Variants in SPAG16 observed in about 807,000 individuals in gnomAD.
SPAG16 encodes sperm-associated antigen 16 protein.
In SPAG16, 86 loss-of-function variants were observed where a neutral mutation model predicts 80.4. The ratio of observed to expected loss-of-function variants is 1.07; its 90% CI spans 0.90 to 1.28. The LOEUF (loss-of-function observed/expected upper bound fraction) is 1.28. Ranked by LOEUF, SPAG16 falls within the 50% of genes most tolerant of loss-of-function variation. SPAG16 has a pLI of 0.00. For missense variants in SPAG16, 870 were observed against 765.3 expected, an observed-to-expected ratio of 1.14 and a Z score of -1.61; for synonymous variants, 294 against 265.9, an observed-to-expected ratio of 1.11 and a Z score of -1.03.
intron 15 of SPAG16, among the ~76,000 whole-genome samples, chr2:214,387,800 A>G (rs1700843899): frequency 6.6e-6 from 1 of 152,142 alleles, no homozygotes; most frequent in African/African-American, 2.4e-5. Flanking sequence ...GGCTCTCATG[A>G]GAACTAACTC....
chr2:214,300,340 A>G (rs1414870241), intron 15 of SPAG16, among the ~76,000 whole-genome samples: 4 of 152,146 alleles, frequency 2.6e-5, no homozygotes, highest in African/African-American at 9.6e-5. Flanking sequence ...TTTAAGTAAA[A>G]TTTAAAAATT....
intron 15 of SPAG16, among the ~76,000 whole-genome samples, chr2:214,324,497 A>G (rs1696336895): frequency 6.6e-6 from 1 of 152,262 alleles, no homozygotes; most frequent in African/African-American, 2.4e-5. Flanking sequence ...AGACTTTCCC[A>G]CACCGTGGTC....
intron 12 of SPAG16, among the ~76,000 whole-genome samples, chr2:213,982,610 G>GGTGTGTGTGTGTGTGTGTGT (rs57529616): frequency 7.0e-6 from 1 of 141,858 alleles, no homozygotes; most frequent in Non-Finnish European, 1.5e-5. Context: ...TATAGTTTCT[G>GGTGTGTGTGTGTGTGTGTGT]GTGTGTGTGT....
At chr2:213,588,840 A>AAAAAAAAAC (rs2060575239) in intron 10 of SPAG16, among the ~76,000 whole-genome samples, 1 of 144,014 alleles carries the variant, frequency 6.9e-6, no homozygotes, top group Non-Finnish European at 1.5e-5. Flanking sequence ...AAAAAAAAAA[A>AAAAAAAAAC]AAAGACTCCC....
At chr2:214,227,889 A>G (rs74991380) in intron 15 of SPAG16, among the ~76,000 whole-genome samples, 2,710 of 152,052 alleles carry the variant, frequency 0.018, 51 homozygotes, top group African/African-American at 0.042. Flanking sequence ...GAATCTAAGC[A>G]GTTAACCTTC....
At chr2:214,133,777 T>A (rs761659788) in intron 14 of SPAG16, among the ~76,000 whole-genome samples, 2 of 152,214 alleles carry the variant, frequency 1.3e-5, no homozygotes, top group Non-Finnish European at 2.9e-5. Context: ...AAGGGATTTT[T>A]GGAGGCAAAT....
intron 15 of SPAG16, among the ~76,000 whole-genome samples, chr2:214,202,645 G>A (rs987138968): frequency 1.3e-5 from 2 of 152,120 alleles, no homozygotes; most frequent in Non-Finnish European, 2.9e-5. Flanking sequence ...CACATGCACT[G>A]GCAGGAGTTT....
At position 214,015,882 on chromosome 2, in the gene SPAG16, T is replaced by G. The variant is rs938412053; in HGVS notation, c.1527+1805T>G. Among the ~76,000 whole-genome samples the G allele has an allele frequency of 2.0e-5, 3 of 152,134 alleles. No homozygotes were observed. In the East Asian group the frequency reaches 5.8e-4, roughly 29 times the overall value. ...AAGAGAGTCAGTCATGTGAGGAATC[T>G]AATATAACAGGCTATGAGTGGATGA... On this transcript the variant is annotated intron_variant, in intron 13 of 15. Transcript: ENST00000331683.
At chr2:213,668,624 TTTTTG>T (rs139486780) in intron 10 of SPAG16, among the ~76,000 whole-genome samples, 5,812 of 151,976 alleles carry the variant, frequency 0.038, 350 homozygotes, top group African/African-American at 0.13. Flanking sequence ...TAATAGTGTT[TTTTTG>T]TTTTGTTTTG....
At chr2:213,793,523 G>T (rs2070833193) in intron 10 of SPAG16, among the ~76,000 whole-genome samples, 1 of 152,076 alleles carries the variant, frequency 6.6e-6, no homozygotes, top group Non-Finnish European at 1.5e-5. Context: ...TAAATAGCTA[G>T]CTACCAGTTT....
chr2:214,070,766 G>A (rs2125223921), intron 13 of SPAG16, among the ~76,000 whole-genome samples: 1 of 151,794 alleles, frequency 6.6e-6, no homozygotes, highest in Middle Eastern at 3.4e-3. Flanking sequence ...AATCCTACTT[G>A]GTTATGGTTT....
chr2:214,090,247 T>C (rs1001972506), intron 13 of SPAG16, among the ~76,000 whole-genome samples: 5 of 151,846 alleles, frequency 3.3e-5, no homozygotes, highest in African/African-American at 4.8e-5. Context: ...AGAAGAATGA[T>C]AATAAGAACA....
intron 10 of SPAG16, among the ~76,000 whole-genome samples, chr2:213,752,626 C>T (rs900716677): frequency 6.6e-6 from 1 of 152,206 alleles, no homozygotes; most frequent in Non-Finnish European, 1.5e-5. Context: ...CTTTTACTGA[C>T]ATTCCTCTGT....
intron 12 of SPAG16, among the ~76,000 whole-genome samples, chr2:213,948,898 G>A (rs1025677252): frequency 6.6e-6 from 1 of 151,992 alleles, no homozygotes; most frequent in Non-Finnish European, 1.5e-5. Flanking sequence ...TTTTTAAAAG[G>A]TATATTTCCC....
At chr2:213,606,905 G>A (rs577249720) in intron 10 of SPAG16, among the ~76,000 whole-genome samples, 19 of 152,160 alleles carry the variant, frequency 1.2e-4, no homozygotes, top group South Asian at 6.2e-4. Context: ...AATATTATGA[G>A]AATCATTGGG....
At chr2:213,445,007 T>C in intron 9 of SPAG16, among the ~76,000 whole-genome samples, 1 of 152,144 alleles carries the variant, frequency 6.6e-6, no homozygotes, top group Middle Eastern at 3.2e-3. Context: ...GAAATCCTTG[T>C]CAATAAATGA....
At chr2:213,672,242 G>A (rs528647587) in intron 10 of SPAG16, among the ~76,000 whole-genome samples, 1 of 148,864 alleles carries the variant, frequency 6.7e-6, no homozygotes, top group Non-Finnish European at 1.5e-5. Flanking sequence ...GACATGTCTT[G>A]TTCTAGAATT....
chr2:214,135,823 C>A (rs1165594628), intron 14 of SPAG16, among the ~76,000 whole-genome samples: 1 of 152,018 alleles, frequency 6.6e-6, no homozygotes, highest in East Asian at 1.9e-4. Context: ...TGAAAAGAAG[C>A]AGCCTGAAGC....
At chr2:213,375,583 A>G (rs2066846115) in intron 9 of SPAG16, among the ~76,000 whole-genome samples, 1 of 152,094 alleles carries the variant, frequency 6.6e-6, no homozygotes, top group Non-Finnish European at 1.5e-5. Context: ...GGTAGTTTAA[A>G]TCTTTGCCAG....
Sources: gnomAD v4.1 joint callset for allele counts (sites outside exome capture counted in the v4.1 genomes callset) on GRCh38, gnomAD v4.1.1 for gene constraint, MANE v1.5 for transcripts, NCBI Gene and HGNC (gene_info 2026-07-23, HGNC 2026-07-21) for gene names.